Variants in NETO2 observed in about 807,000 individuals in gnomAD.
NETO2 encodes neuropilin and tolloid-like protein 2.
Under a neutral mutation model 62.5 loss-of-function variants are expected in NETO2, and 28 were observed. The ratio of observed to expected loss-of-function variants is 0.45; its 90% CI spans 0.33 to 0.61. The LOEUF is 0.61. Among genes scored for constraint, NETO2 ranks in the 20% least tolerant of loss-of-function variants. The pLI, the probability that NETO2 is intolerant of heterozygous loss-of-function variation, is 0.02. For synonymous variants in NETO2, 214 were observed against 219.1 expected, an observed-to-expected ratio of 0.98 and a Z score of 0.21; for missense variants, 548 against 643.2, an observed-to-expected ratio of 0.85 and a Z score of 1.60.
chr16:47,113,750 C>T (rs948792450), intron 6 of NETO2, among the ~76,000 whole-genome samples: 2 of 151,796 alleles, frequency 1.3e-5, no homozygotes, highest in African/African-American at 4.8e-5. Context: ...TGCCACCAGG[C>T]CCGGCTAATT....
In NETO2 at chr16:47,083,597, A is replaced by G. The variant is rs1963118833; in HGVS notation, c.1202T>C (p.Phe401Ser). 2.5e-6 allele frequency: 4 copies of G among 1,614,054 alleles called. No homozygotes were observed. The highest frequency in any genetic ancestry group is 3.4e-6 in the Non-Finnish European group (4 of 1,180,044). Residue 401 changes from phenylalanine (F) to serine (S), a missense_variant, in exon 9 of 9, where the codon TTT becomes TCT. Transcript: ENST00000562435. The stretch of plus-strand genomic sequence containing the variant: ...AGAAATCTCTTTGTCCCTTAGTGAA[A>G]ACAGTTCATAATGAGGAGGATCAAA... The part of the protein sequence containing the change: ...EVFDPPHYEL[F>S]SLRDKEISAD...
At chr16:47,121,482 C>T (rs1964039017) in intron 6 of NETO2, among the ~76,000 whole-genome samples, 1 of 152,180 alleles carries the variant, frequency 6.6e-6, no homozygotes, top group Non-Finnish European at 1.5e-5. Context: ...TTCTCAAACC[C>T]TAATAAAGGC....
chr16:47,141,891 A>T (rs962585468), intron 1 of NETO2, among the ~76,000 whole-genome samples: 3 of 152,228 alleles, frequency 2.0e-5, no homozygotes, highest in African/African-American at 7.2e-5. Context: ...GGGAAAGGCA[A>T]AGGCAGAAAC....
rs1478461935 is a variant in NETO2, at chr16:47,083,609, T to A, written c.1190A>T (p.His397Leu). 1 of 1,614,194 alleles carries A rather than the reference T, an allele frequency of 6.2e-7. No homozygotes were observed. The highest frequency in any genetic ancestry group is 1.7e-5 in the Admixed American group (1 of 60,026). Residue 397 changes from histidine to leucine, a missense_variant, in exon 9 of 9, where the codon CAT (histidine) becomes CTT (leucine). Transcript: ENST00000562435. ...GTCCCTTAGTGAAAACAGTTCATAA[T>A]GAGGAGGATCAAACACTTCTTGGAA... ...TGFQEVFDPPHYELFSLRDKE... is the reference protein window; with the variant it reads ...TGFQEVFDPPLYELFSLRDKE...
intron 7 of NETO2, among the ~76,000 whole-genome samples, chr16:47,097,061 C>A (rs1488286838): frequency 1.3e-5 from 2 of 152,206 alleles, no homozygotes; most frequent in Non-Finnish European, 2.9e-5. Context: ...GCCTACACCA[C>A]CAGGGACCTG....
At chr16:47,113,901 T>C (rs1049831278) in intron 6 of NETO2, among the ~76,000 whole-genome samples, 1 of 152,180 alleles carries the variant, frequency 6.6e-6, no homozygotes, top group Non-Finnish European at 1.5e-5. Flanking sequence ...CCTATTCTTT[T>C]AAAAGCTAAA....
chr16:47,116,238 A>G (rs1345177569), intron 6 of NETO2, among the ~76,000 whole-genome samples: 2 of 150,062 alleles, frequency 1.3e-5, no homozygotes, highest in East Asian at 3.9e-4. Context: ...CTCTTGTATC[A>G]GCCTCCTTAA....
At chr16:47,112,348 C>A in intron 6 of NETO2, among the ~76,000 whole-genome samples, 1 of 152,268 alleles carries the variant, frequency 6.6e-6, no homozygotes, top group East Asian at 1.9e-4. Flanking sequence ...CATCTATTTA[C>A]ACTTTTTTGT....
At chr16:47,090,907 G>A (rs1286799341) in intron 7 of NETO2, among the ~76,000 whole-genome samples, 2 of 152,094 alleles carry the variant, frequency 1.3e-5, no homozygotes, top group Admixed American at 6.6e-5. Flanking sequence ...ACAATGGGTA[G>A]GCATGAACTG....
chr16:47,130,668 G>A (rs572395073), intron 2 of NETO2, among the ~76,000 whole-genome samples: 85 of 152,214 alleles, frequency 5.6e-4, no homozygotes, highest in African/African-American at 2.0e-3. Context: ...CAGAAGAGAT[G>A]AAAAAATCAG....
chr16:47,102,609 A>C (rs1458855526), intron 7 of NETO2, among the ~76,000 whole-genome samples: 1 of 149,314 alleles, frequency 6.7e-6, no homozygotes, highest in Non-Finnish European at 1.5e-5. Context: ...AAAAAAAAAC[A>C]ACCCCATCAA....
rs938323765 is a variant in NETO2 at position 47,081,593 on chromosome 16, A to G, written c.*1628T>C. 3 of 152,724 alleles carry G rather than the reference A, an allele frequency of 2.0e-5. No individual in the cohort carries two copies. Among genetic ancestry groups the G allele is most frequent in the East Asian group, 1.9e-4 (1 of 5,194 alleles). 9.5% of individuals were successfully genotyped at this position (152,724 alleles called of 1,614,324 possible). A position where few individuals can be genotyped will look rare whatever the true frequency, so the allele number is the denominator to read the frequency against. The stretch of plus-strand genomic sequence containing the variant: ...TTTTCACTAATCTGAGAAAACACAT[A>G]TATGTAATATTTAAAAGTTAATGAA... On this transcript the variant is annotated 3_prime_UTR_variant, in exon 9 of 9. Coordinates refer to ENST00000562435, the MANE Select transcript of NETO2 (RefSeq NM_018092.5).
At chr16:47,128,826 A>G (rs192927458) in intron 3 of NETO2, among the ~76,000 whole-genome samples, 1 of 152,354 alleles carries the variant, frequency 6.6e-6, no homozygotes, top group African/African-American at 2.4e-5. Flanking sequence ...TTCAAACTGA[A>G]GAGTCAAGAA....
chr16:47,104,172 T>A (rs989872229), intron 7 of NETO2, among the ~76,000 whole-genome samples: 28 of 151,858 alleles, frequency 1.8e-4, no homozygotes, highest in African/African-American at 6.8e-4. Context: ...GCTAATAAAC[T>A]AAGTCAACAA....
intron 4 of NETO2, among the ~76,000 whole-genome samples, chr16:47,128,101 G>A (rs1261263654): frequency 6.6e-6 from 1 of 152,104 alleles, no homozygotes; most frequent in East Asian, 1.9e-4. Flanking sequence ...AAGAAAATGT[G>A]GCACCATCTC....
chr16:47,104,448 A>C (rs1187978365), intron 7 of NETO2, among the ~76,000 whole-genome samples: 1 of 152,236 alleles, frequency 6.6e-6, no homozygotes, highest in South Asian at 2.1e-4. Context: ...TAAGATGACA[A>C]TATTACTCAA....
intron 8 of NETO2, among the ~76,000 whole-genome samples, chr16:47,085,859 A>G (rs1223638959): frequency 6.6e-6 from 1 of 151,890 alleles, no homozygotes; most frequent in Non-Finnish European, 1.5e-5. Context: ...TAATCCCAGC[A>G]CTTTGGGAGG....
At chr16:47,127,535 A>G (rs1964182183) in intron 4 of NETO2, among the ~76,000 whole-genome samples, 1 of 152,218 alleles carries the variant, frequency 6.6e-6, no homozygotes, top group African/African-American at 2.4e-5. Flanking sequence ...AGAGCTGTGA[A>G]GAGGGAGGCT....
chr16:47,125,349 G>GTTTT (rs1230159463), intron 4 of NETO2, among the ~76,000 whole-genome samples: 1 of 144,550 alleles, frequency 6.9e-6, no homozygotes, highest in African/African-American at 2.5e-5. Context: ...CTAGCTACTA[G>GTTTT]TTTTTTTTTT....
Sources: allele counts gnomAD v4.1 joint callset (sites outside exome capture counted in the v4.1 genomes callset), GRCh38; gene constraint gnomAD v4.1.1; transcripts MANE v1.5; gene names NCBI Gene and HGNC (gene_info 2026-07-23, HGNC 2026-07-21).